Variants in NAV2 observed in about 807,000 individuals in gnomAD.
The protein encoded by NAV2 is neuron navigator 2, also known as helicase, APC down-regulated 1.
In NAV2, 54 loss-of-function variants were observed where a neutral mutation model predicts 223.2. That is an observed-to-expected ratio of 0.24 (90% CI 0.19 to 0.30). The LOEUF is 0.30. NAV2 is among the 10% of genes least tolerant of loss of function. The pLI is 1.00. For missense variants in NAV2, 2,806 were observed against 3,147.5 expected, an observed-to-expected ratio of 0.89 and a Z score of 2.60; for synonymous variants, 1,279 against 1,239.3, an observed-to-expected ratio of 1.03 and a Z score of -0.67.
At chr11:19,499,943 T>A (rs2042911067) in intron 1 of NAV2, among the ~76,000 whole-genome samples, 1 of 152,040 alleles carries the variant, frequency 6.6e-6, no homozygotes, top group South Asian at 2.1e-4. Flanking sequence ...TGTAGTAAAT[T>A]GACTCTATCA....
At chr11:19,628,127 C>T (rs1355502643) in intron 1 of NAV2, among the ~76,000 whole-genome samples, 3 of 152,170 alleles carry the variant, frequency 2.0e-5, no homozygotes, top group Non-Finnish European at 4.4e-5. Flanking sequence ...CTCCCTCCCA[C>T]TCTGGCCCCA....
intron 1 of NAV2, among the ~76,000 whole-genome samples, chr11:19,812,520 A>G (rs1296273239): frequency 6.6e-6 from 1 of 152,072 alleles, no homozygotes; most frequent in Admixed American, 6.6e-5. Flanking sequence ...TGAATCCTCT[A>G]AGATTATCAG....
intron 3 of NAV2, among the ~76,000 whole-genome samples, chr11:19,853,989 G>A (rs1011910956): frequency 3.3e-5 from 5 of 152,172 alleles, no homozygotes; most frequent in African/African-American, 1.2e-4. Context: ...TTGTACTCAG[G>A]AAGGTTAAAG....
intron 1 of NAV2, among the ~76,000 whole-genome samples, chr11:19,610,328 A>G (rs2046601854): frequency 6.6e-6 from 1 of 151,734 alleles, no homozygotes; most frequent in Non-Finnish European, 1.5e-5. Context: ...AATAACCTAT[A>G]TTTGGATGAG....
intron 11 of NAV2, chr11:20,027,398 C>T (rs953774330): frequency 3.0e-5 from 30 of 985,058 alleles, no homozygotes; most frequent in East Asian, 1.1e-4. Context: ...AGCTGTCTGG[C>T]GGGGGGCATG....
At chr11:20,063,765 C>T (rs1014014738) in intron 20 of NAV2, among the ~76,000 whole-genome samples, 3 of 152,124 alleles carry the variant, frequency 2.0e-5, no homozygotes, top group Non-Finnish European at 4.4e-5. Context: ...ATTGGAAATT[C>T]TTTAGCCCTT....
intron 1 of NAV2, among the ~76,000 whole-genome samples, chr11:19,811,445 C>T (rs1014142845): frequency 1.3e-5 from 2 of 152,146 alleles, no homozygotes; most frequent in South Asian, 2.1e-4. Context: ...CATTGATTTA[C>T]AAGTCAGTGG....
chr11:20,012,851 G>A (rs1418567855), intron 11 of NAV2, among the ~76,000 whole-genome samples: 2 of 152,180 alleles, frequency 1.3e-5, no homozygotes, highest in Admixed American at 6.5e-5. Context: ...GTAGTTTTAA[G>A]CATGGGCTTT....
intron 1 of NAV2, among the ~76,000 whole-genome samples, chr11:19,516,878 A>C (rs561166273): frequency 6.6e-6 from 1 of 152,280 alleles, no homozygotes; most frequent in East Asian, 1.9e-4. Flanking sequence ...CAAACAAGAA[A>C]GACACAATGG....
At chr11:19,952,437 T>A (rs972047423) in intron 10 of NAV2, among the ~76,000 whole-genome samples, 8 of 152,176 alleles carry the variant, frequency 5.3e-5, no homozygotes, top group African/African-American at 1.9e-4. Flanking sequence ...CCAGTCGGGG[T>A]CTAGATGCCT....
At chr11:20,006,791 G>A (rs1022495447) in intron 11 of NAV2, among the ~76,000 whole-genome samples, 2 of 152,148 alleles carry the variant, frequency 1.3e-5, no homozygotes, top group Non-Finnish European at 2.9e-5. Flanking sequence ...GATTGAGGCT[G>A]CAGTGAGTTG....
At chr11:19,852,581 C>A (rs1565429251) in intron 3 of NAV2, among the ~76,000 whole-genome samples, 1 of 152,210 alleles carries the variant, frequency 6.6e-6, no homozygotes, top group Non-Finnish European at 1.5e-5. Flanking sequence ...TGTAAACTCA[C>A]AAATAGGTAC....
At chr11:19,676,013 A>C (rs1254131881) in intron 1 of NAV2, among the ~76,000 whole-genome samples, 1 of 152,204 alleles carries the variant, frequency 6.6e-6, no homozygotes, top group Non-Finnish European at 1.5e-5. Context: ...GGAGTGAGGA[A>C]GGTGACCTTC....
At chr11:19,527,691 C>G (rs532003514) in intron 1 of NAV2, among the ~76,000 whole-genome samples, 1 of 146,114 alleles carries the variant, frequency 6.8e-6, no homozygotes, top group South Asian at 2.3e-4. Flanking sequence ...CAATCATGAA[C>G]TTCTGCAGCT....
intron 10 of NAV2, 129 bp downstream of exon 10, chr11:19,949,209 T>C: frequency 9.7e-7 from 1 of 1,032,348 alleles, no homozygotes; most frequent in Non-Finnish European, 1.4e-6. Context: ...GCTGTCCATA[T>C]CAAAGGCTGT....
intron 17 of NAV2, among the ~76,000 whole-genome samples, chr11:20,053,218 G>GAAAAAAAAAA: frequency 2.4e-5 from 1 of 40,974 alleles, no homozygotes; most frequent in Non-Finnish European, 4.1e-5. Flanking sequence ...ACTACGTCTC[G>GAAAAAAAAAA]AAAAAAAAAA....
intron 1 of NAV2, among the ~76,000 whole-genome samples, chr11:19,559,603 G>A (rs1035517943): frequency 1.3e-4 from 20 of 152,168 alleles, no homozygotes; most frequent in African/African-American, 4.6e-4. Context: ...CTTGGCACTA[G>A]GGTGGCTGAG....
intron 34 of NAV2, 116 bp downstream of exon 34, chr11:20,103,840 C>G: frequency 1.1e-6 from 1 of 913,442 alleles, no homozygotes; most frequent in South Asian, 1.4e-5. Context: ...TATTGTTAAG[C>G]ATTTTTCTCA....
At chr11:19,710,205 T>C (rs770667673), upstream of NAV2, among the ~76,000 whole-genome samples, 40 of 152,176 alleles carry the variant, frequency 2.6e-4, no homozygotes, top group Admixed American at 3.3e-4. Flanking sequence ...TATTTCCAAC[T>C]AGATGGATGC....
Sources: gnomAD v4.1 joint callset for allele counts (sites outside exome capture counted in the v4.1 genomes callset) on GRCh38, gnomAD v4.1.1 for gene constraint, MANE v1.5 for transcripts, NCBI Gene and HGNC (gene_info 2026-07-23, HGNC 2026-07-21) for gene names.